SBF2: variants seen among roughly 807,000 people sequenced by gnomAD.
The protein encoded by SBF2 is SET binding factor 2.
In SBF2, 112 loss-of-function variants were observed where a neutral mutation model predicts 225.2. That is an observed-to-expected ratio of 0.50 (90% CI 0.43 to 0.58). The LOEUF is 0.58. Among genes scored for constraint, SBF2 ranks in the 20% least tolerant of loss-of-function variants. The pLI is 0.00. For missense variants in SBF2, 1,996 were observed against 2,206.2 expected, an observed-to-expected ratio of 0.90 and a Z score of 1.91; for synonymous variants, 763 against 773.3, an observed-to-expected ratio of 0.99 and a Z score of 0.22.
intron 2 of SBF2, among the ~76,000 whole-genome samples, chr11:10,121,466 A>T (rs1953445046): frequency 6.6e-6 from 1 of 152,206 alleles, no homozygotes; most frequent in Admixed American, 6.5e-5. Context: ...CTGTTAAAGG[A>T]AAGATATATC....
rs960612462 is a variant in SBF2 at position 9,785,028 on chromosome 11, C to T, written c.5231+97G>A. 3.9e-6 allele frequency: 4 copies of T among 1,028,446 alleles called. No homozygotes were observed. The African/African-American group carries it at 6.3e-5, about 16-fold the overall frequency. The allele number at this position is 1,028,446 out of a possible 1,614,324, so 63.7% of individuals were successfully genotyped here. A position where few individuals can be genotyped will look rare whatever the true frequency, so the allele number is the denominator to read the frequency against. ...AAATCCATTTCAAGTTTATAAAAGG[C>T]TGTACTGCACAGGCCTAGCTTATTG... On this transcript the variant is annotated intron_variant, in intron 37 of 39. Coordinates refer to ENST00000256190, the MANE Select transcript of SBF2 (RefSeq NM_030962.4).
intron 6 of SBF2, among the ~76,000 whole-genome samples, chr11:10,010,805 T>C (rs748918456): frequency 3.9e-5 from 6 of 152,240 alleles, no homozygotes; most frequent in African/African-American, 9.6e-5. Context: ...GGGGATAGCA[T>C]TGAATCTATA....
At chr11:10,057,247 C>A (rs1253595626) in intron 2 of SBF2, among the ~76,000 whole-genome samples, 1 of 152,142 alleles carries the variant, frequency 6.6e-6, no homozygotes, top group Non-Finnish European at 1.5e-5. Flanking sequence ...GTCCTCCAGG[C>A]CTGAGCCTCC....
chr11:10,255,516 G>A (rs1300008364), intron 1 of SBF2, among the ~76,000 whole-genome samples: 1 of 152,174 alleles, frequency 6.6e-6, no homozygotes, highest in Non-Finnish European at 1.5e-5. Context: ...TGTCAGTTCT[G>A]TGAAGATACA....
intron 3 of SBF2, 37 bp from the exon 4 acceptor site, chr11:10,031,207 G>T: frequency 6.2e-7 from 1 of 1,606,932 alleles, no homozygotes; most frequent in Non-Finnish European, 8.5e-7. Context: ...AAACAGAAGG[G>T]ATTTCCTAGG....
At chr11:9,872,484 T>G (rs1858858485) in intron 17 of SBF2, among the ~76,000 whole-genome samples, 1 of 152,002 alleles carries the variant, frequency 6.6e-6, no homozygotes, top group Admixed American at 6.6e-5. Flanking sequence ...AAGTAAAAAT[T>G]AAAAAGTCTA....
intron 32 of SBF2, among the ~76,000 whole-genome samples, chr11:9,806,019 G>T (rs1853823498): frequency 6.6e-6 from 1 of 152,178 alleles, no homozygotes; most frequent in Admixed American, 6.5e-5. Context: ...TCTATTTATT[G>T]TCTATTATAT....
chr11:10,216,883 T>A (rs10770101), intron 1 of SBF2, among the ~76,000 whole-genome samples: 76,185 of 151,152 alleles, frequency 0.5, 19,473 homozygotes, highest in East Asian at 0.61. Context: ...ATAGTAATTT[T>A]TAAAAAAAAG....
chr11:9,827,584 G>T lies in SBF2; in HGVS notation c.3793+1772C>A, dbSNP rs186819266. ...TGGAATTTCCTCTGCAGAGTGAAAA[G>T]AATCTCACATAAACTTCCAGAGAAC... On this transcript the variant is annotated intron_variant, in intron 28 of 39. Transcript: ENST00000256190. Among the ~76,000 whole-genome samples the T allele has an allele frequency of 6.6e-4, 100 of 151,062 alleles. 1 individual carries two copies. Among genetic ancestry groups the T allele is most frequent in the African/African-American group, 2.3e-3 (96 of 41,210 alleles).
At chr11:10,157,959 A>G (rs943780960) in intron 2 of SBF2, among the ~76,000 whole-genome samples, 3 of 152,228 alleles carry the variant, frequency 2.0e-5, no homozygotes, top group Non-Finnish European at 4.4e-5. Context: ...AGTCGTAACA[A>G]ATTTATGAAA....
At chr11:10,046,213 A>G (rs1199107699) in intron 2 of SBF2, among the ~76,000 whole-genome samples, 2 of 152,178 alleles carry the variant, frequency 1.3e-5, no homozygotes, top group Admixed American at 6.5e-5. Flanking sequence ...CCAAAGGACA[A>G]CTGTATACCA....
At chr11:10,256,386 A>G (rs1287835969) in intron 1 of SBF2, among the ~76,000 whole-genome samples, 1 of 152,206 alleles carries the variant, frequency 6.6e-6, no homozygotes, top group Non-Finnish European at 1.5e-5. Context: ...GAAAGATAAG[A>G]TTGATTTAAT....
chr11:10,111,340 T>A (rs922316383), intron 2 of SBF2, among the ~76,000 whole-genome samples: 3 of 152,156 alleles, frequency 2.0e-5, no homozygotes, highest in Non-Finnish European at 4.4e-5. Flanking sequence ...CCCACATGCA[T>A]CAGAAATAAA....
intron 6 of SBF2, among the ~76,000 whole-genome samples, chr11:10,011,424 C>T (rs180864949): frequency 2.9e-4 from 44 of 152,156 alleles, no homozygotes; most frequent in African/African-American, 9.9e-4. Context: ...CATGGGGTTT[C>T]GCCATGTTGG....
At chr11:9,986,763 G>T (rs1947211814) in intron 13 of SBF2, among the ~76,000 whole-genome samples, 1 of 152,038 alleles carries the variant, frequency 6.6e-6, no homozygotes, top group South Asian at 2.1e-4. Context: ...ATAACAAGCA[G>T]CAAAATTGAA....
At chr11:9,908,496 G>A (rs532800939) in intron 16 of SBF2, among the ~76,000 whole-genome samples, 10 of 152,184 alleles carry the variant, frequency 6.6e-5, no homozygotes, top group Non-Finnish European at 1.3e-4. Flanking sequence ...GCGTGGTGGC[G>A]GGCGCCTGTA....
intron 24 of SBF2, 33 bp from the exon 25 acceptor site, chr11:9,842,803 T>C: frequency 6.2e-7 from 1 of 1,610,680 alleles, no homozygotes; most frequent in Non-Finnish European, 8.5e-7. Context: ...GAATGTCAAC[T>C]TAATATAAAA....
chr11:9,807,066 C>T (rs1430512777), intron 32 of SBF2, among the ~76,000 whole-genome samples: 3 of 152,166 alleles, frequency 2.0e-5, no homozygotes, highest in Non-Finnish European at 4.4e-5. Context: ...TCTTTCCAAT[C>T]GATATTTGAG....
chr11:10,111,228 G>A (rs1303020335), intron 2 of SBF2, among the ~76,000 whole-genome samples: 2 of 152,010 alleles, frequency 1.3e-5, no homozygotes, highest in Middle Eastern at 3.2e-3. Flanking sequence ...AATACTTCAT[G>A]CTTGCTCCAA....
Sources: gnomAD v4.1 joint callset for allele counts (sites outside exome capture counted in the v4.1 genomes callset) on GRCh38, gnomAD v4.1.1 for gene constraint, MANE v1.5 for transcripts, NCBI Gene and HGNC (gene_info 2026-07-23, HGNC 2026-07-21) for gene names.